The following CNTFR variants were observed in gnomAD, a reference collection of about 807,000 sequenced individuals.
The protein encoded by CNTFR is ciliary neurotrophic factor receptor subunit alpha.
A neutral mutation model predicts 40.4 loss-of-function variants in CNTFR; 12 were observed. That is an observed-to-expected ratio of 0.30 (90% CI 0.19 to 0.48). CNTFR has a LOEUF of 0.48. Among genes scored for constraint, CNTFR ranks in the 20% least tolerant of loss-of-function variants. CNTFR has a pLI of 0.99. For missense variants in CNTFR, 414 were observed against 506.8 expected, an observed-to-expected ratio of 0.82 and a Z score of 1.76; for synonymous variants, 202 against 209.6, an observed-to-expected ratio of 0.96 and a Z score of 0.31.
intron 4 of CNTFR, among the ~76,000 whole-genome samples, chr9:34,559,996 G>A (rs1180301089): frequency 1.3e-5 from 2 of 152,232 alleles, no homozygotes; most frequent in Admixed American, 6.5e-5. Flanking sequence ...GTGGGGGTTG[G>A]GGGGCTGACT....
chr9:34,566,971 G>A (rs10732357), intron 3 of CNTFR, among the ~76,000 whole-genome samples: 148,540 of 152,244 alleles, frequency 0.98, 72,575 homozygotes, highest in East Asian at 1. Context: ...ACAGGCCACA[G>A]TGGAGAGGTG....
intron 7 of CNTFR, among the ~76,000 whole-genome samples, chr9:34,555,043 G>A (rs1825778239): frequency 6.6e-6 from 1 of 152,276 alleles, no homozygotes; most frequent in African/African-American, 2.4e-5. Context: ...GGAGCCGCGT[G>A]CGTGTGCATG....
chr9:34,571,370 T>G (rs1826626833), intron 2 of CNTFR: 1 of 152,382 alleles, frequency 6.6e-6, no homozygotes, highest in Admixed American at 6.5e-5. Context: ...TCCGCCTCAG[T>G]GCCAGGCCAC....
Position 34,552,580 on chromosome 9 carries a change from G to C in CNTFR, c.949+94C>G. The C allele has an allele frequency of 7.4e-7, 1 of 1,342,992 alleles. No individual in the cohort carries two copies. The highest frequency in any genetic ancestry group is 1.4e-5 in the South Asian group (1 of 71,256). 83.2% of individuals were successfully genotyped at this position (1,342,992 alleles called of 1,614,324 possible). On this transcript the variant is annotated intron_variant, in intron 8 of 9. Transcript: ENST00000378980. This position sits in a 1 kb window ranked among gnomAD's most constrained non-coding sequence, Gnocchi z 5.1. ...AGAAGTGTGGCTACCCCCGGGAGCA[G>C]AGGCTGGAGGCAGCAGGGTAGAACC...
At chr9:34,564,060 A>G (rs1039055108) in intron 4 of CNTFR, among the ~76,000 whole-genome samples, 2 of 152,080 alleles carry the variant, frequency 1.3e-5, no homozygotes, top group Non-Finnish European at 1.5e-5. Flanking sequence ...GCTCTCTGCC[A>G]GAAATGATGT....
Position 34,552,289 on chromosome 9 carries a change from AG to A in CNTFR, c.989del (p.Pro330LeufsTer42). 1 of 1,545,260 alleles carries A rather than the reference AG, an allele frequency of 6.5e-7. No individual in the cohort carries two copies. Among genetic ancestry groups the A allele is most frequent in the Non-Finnish European group, 8.7e-7 (1 of 1,147,922 alleles). ...TSTTSSLAPPPTTKICDPGEL... is the reference protein window; with the variant it reads ...TSTTSSLAPPXTTKICDPGEL... ...CCCCAGGGTCACAGATCTTCGTGGT[AG>A]GTGGGGGTGCCAGGGAGCTGGTGGT... On this transcript the variant is annotated frameshift_variant, in exon 9 of 10. Coordinates refer to ENST00000378980, the MANE Select transcript of CNTFR (RefSeq NM_147164.3). LOFTEE classifies it high-confidence loss of function. This position sits in a 1 kb window ranked among gnomAD's most constrained non-coding sequence, Gnocchi z 5.1.
rs1049334615 is a variant in CNTFR at position 34,589,051 on chromosome 9, A to T, written c.-112+504T>A. Among the ~76,000 whole-genome samples the T allele has an allele frequency of 1.3e-5, 2 of 151,726 alleles. No individual in the cohort carries two copies. Among genetic ancestry groups the T allele is most frequent in the East Asian group, 3.9e-4 (2 of 5,172 alleles). On this transcript the variant is annotated intron_variant, in intron 1 of 9. Coordinates refer to ENST00000378980, the MANE Select transcript of CNTFR (RefSeq NM_147164.3). This position sits in a 1 kb window ranked among gnomAD's most constrained non-coding sequence, Gnocchi z 4.4. ...AAACCATGGGGACGCCGACCGACAC[A>T]CACATGCACACACACACGCGCGCGC...
chr9:34,555,178 T>C (rs1825785752), intron 7 of CNTFR, among the ~76,000 whole-genome samples: 1 of 152,202 alleles, frequency 6.6e-6, no homozygotes, highest in Non-Finnish European at 1.5e-5. Context: ...CCCTGGTTAT[T>C]AGCAATGCAT....
Position 34,589,368 on chromosome 9 carries a change from G to A in CNTFR, c.-112+187C>T, listed in dbSNP as rs1827681778. On this transcript the variant is annotated intron_variant, in intron 1 of 9. Coordinates refer to ENST00000378980, the MANE Select transcript of CNTFR (RefSeq NM_147164.3). This position sits in a 1 kb window ranked among gnomAD's most constrained non-coding sequence, Gnocchi z 4.4. ...AACCCCCGGAGCGCCCGGACGTGGG[G>A]GGCCGCTCCTCCAGCGCCCCCGCCC... Among the ~76,000 whole-genome samples the A allele has an allele frequency of 6.6e-6, 1 of 152,028 alleles. No individual in the cohort carries two copies. Among genetic ancestry groups the A allele is most frequent in the Non-Finnish European group, 1.5e-5 (1 of 67,976 alleles).
At chr9:34,559,451 G>A (rs1241960325) in intron 4 of CNTFR, among the ~76,000 whole-genome samples, 1 of 152,222 alleles carries the variant, frequency 6.6e-6, no homozygotes, top group Non-Finnish European at 1.5e-5. Flanking sequence ...CAGGGAAAGC[G>A]GGGTCCAGCT....
intron 2 of CNTFR, among the ~76,000 whole-genome samples, chr9:34,577,475 T>G (rs1827035276): frequency 6.6e-6 from 1 of 152,098 alleles, no homozygotes; most frequent in East Asian, 1.9e-4. Context: ...GGGAGCCAAA[T>G]GAAATCAGGC....
Position 34,568,995 on chromosome 9 carries a change from C to A in CNTFR, c.1-14G>T, listed in dbSNP as rs200157404. ...AGGAGCAGCCATCTGTTGGGAGAAA[C>A]CGGGGTGGGGGAGGGGTCAGCATCA... On this transcript the variant is annotated splice_polypyrimidine_tract_variant and intron_variant, in intron 2 of 9. Transcript: ENST00000378980. 1.2e-3 allele frequency: 1,833 copies of A among 1,579,962 alleles called. 42 individuals carry two copies. The Admixed American group carries it at 0.028, about 24-fold the overall frequency.
chr9:34,552,102 G>A lies in CNTFR; in HGVS notation c.*-31C>T, dbSNP rs749675002. ...GAGACAGGCAGGGGCCTGTCAGGGA[G>A]GGGGCTGGAGTGGGGGTTCCCTCAG... is the stretch of plus-strand genomic sequence containing the variant. On this transcript the variant is annotated intron_variant, in intron 9 of 9. Transcript: ENST00000378980. The surrounding 1 kb of genome is among the most constrained non-coding windows in gnomAD (Gnocchi z 5.1). The A allele has an allele frequency of 6.3e-7, 1 of 1,593,358 alleles. No homozygotes were observed. Among genetic ancestry groups the A allele is most frequent in the South Asian group, 1.1e-5 (1 of 88,638 alleles).
intron 2 of CNTFR, among the ~76,000 whole-genome samples, chr9:34,573,790 G>A (rs1826802784): frequency 6.6e-6 from 1 of 152,236 alleles, no homozygotes; most frequent in Non-Finnish European, 1.5e-5. Flanking sequence ...CAAGAATGCA[G>A]GACACAGCAT....
chr9:34,582,690 G>C (rs889014592), intron 1 of CNTFR: 3 of 151,988 alleles, frequency 2.0e-5, no homozygotes, highest in African/African-American at 7.3e-5. Flanking sequence ...ACAGGTGGTT[G>C]ATAGTGACAG....
In CNTFR at chr9:34,568,998, G is replaced by A. The variant is rs752681172; in HGVS notation, c.1-17C>T. 12 of 1,572,358 alleles carry A rather than the reference G, an allele frequency of 7.6e-6. No individual in the cohort carries two copies. The South Asian group carries it at 1.2e-4, about 15-fold the overall frequency. ...AGCAGCCATCTGTTGGGAGAAACCG[G>A]GGTGGGGGAGGGGTCAGCATCAGCC... On this transcript the variant is annotated splice_polypyrimidine_tract_variant and intron_variant, in intron 2 of 9. Coordinates refer to ENST00000378980, the MANE Select transcript of CNTFR (RefSeq NM_147164.3).
rs757447830 is a variant in CNTFR at position 34,552,729 on chromosome 9, G to A, written c.894C>T (p.His298=). The change falls in exon 8 of 10, where the codon CAC becomes CAT. Residue 298 remains histidine (H), a synonymous_variant. Transcript: ENST00000378980. The surrounding 1 kb of genome is among the most constrained non-coding windows in gnomAD (Gnocchi z 5.1). The part of the protein sequence containing the change: ...GTWSDWSVAA[H]ATPWTEEPRH... ...GCGGTTCCTCAGTCCAGGGCGTAGC[G>A]TGGGCGGCTACGCTCCAGTCACTCC... 19 of 1,613,768 alleles carry A rather than the reference G, an allele frequency of 1.2e-5. 1 individual carries two copies. In the South Asian group the frequency reaches 1.3e-4, roughly 11 times the overall value.
chr9:34,577,019 GAGGT>G (rs915864507), intron 2 of CNTFR, among the ~76,000 whole-genome samples: 9 of 152,260 alleles, frequency 5.9e-5, no homozygotes, highest in African/African-American at 2.2e-4. Context: ...AGCCCACAGA[GAGGT>G]AGGGCAGATG....
At chr9:34,563,799 C>T (rs1826167900) in intron 4 of CNTFR, among the ~76,000 whole-genome samples, 1 of 152,206 alleles carries the variant, frequency 6.6e-6, no homozygotes, top group Non-Finnish European at 1.5e-5. Context: ...GCTCCATGCC[C>T]TGGTCCCAGG....
Sources: gnomAD v4.1 joint callset for allele counts (sites outside exome capture counted in the v4.1 genomes callset) on GRCh38, gnomAD v4.1.1 for gene constraint, Gnocchi (gnomAD v3.1) non-coding constraint, MANE v1.5 for transcripts, NCBI Gene and HGNC (gene_info 2026-07-23, HGNC 2026-07-21) for gene names.